The following JMJD1C variants were observed in gnomAD, a reference collection of about 807,000 sequenced individuals.
JMJD1C encodes jumonji domain-containing protein 1C.
Under a neutral mutation model 245.3 loss-of-function variants are expected in JMJD1C, and 31 were observed. That is an observed-to-expected ratio of 0.13 (90% confidence interval 0.09 to 0.17). The LOEUF (loss-of-function observed/expected upper bound fraction) is 0.17. JMJD1C is among the 10% of genes least tolerant of loss of function. The pLI is 1.00. For synonymous variants in JMJD1C, 1,057 were observed against 1,017.4 expected (o/e 1.04, Z -0.74); for missense variants, 2,691 against 3,000.2 (o/e 0.90, Z 2.41).
chr10:63,343,162 G>C (rs1943521975), intron 2 of JMJD1C, among the ~76,000 whole-genome samples: 1 of 152,068 alleles, frequency 6.6e-6, no homozygotes, highest in Non-Finnish European at 1.5e-5. Context: ...AGGAATTAAA[G>C]ACCAGCCTGG....
chr10:63,316,392 G>A (rs1940065397), intron 2 of JMJD1C, among the ~76,000 whole-genome samples: 1 of 152,078 alleles, frequency 6.6e-6, no homozygotes, highest in Non-Finnish European at 1.5e-5. Context: ...CTTCTTACGT[G>A]TTTTTTGGTT....
At chr10:63,211,302 T>TA (rs1847291233) in intron 8 of JMJD1C, among the ~76,000 whole-genome samples, 1 of 151,864 alleles carries the variant, frequency 6.6e-6, no homozygotes, top group Admixed American at 6.6e-5. Flanking sequence ...TCGTTTCTAC[T>TA]AAAAATACAA....
At chr10:63,474,334 T>C (rs1428145766) in intron 1 of JMJD1C, among the ~76,000 whole-genome samples, 1 of 152,164 alleles carries the variant, frequency 6.6e-6, no homozygotes, top group African/African-American at 2.4e-5. Context: ...GTAAGAGTGC[T>C]TATAAAGCGG....
rs1564870931 is a variant in JMJD1C at position 63,392,909 on chromosome 10, CGT to C, written c.169-12429_169-12428del. The stretch of plus-strand genomic sequence containing the variant: ...ACACACACACACACACACACACACA[CGT>C]GAGCAAAGGACATAAACAGACATTT... On this transcript the variant is annotated intron_variant, in intron 1 of 25. Transcript: ENST00000399262. Among the ~76,000 whole-genome samples the C allele has an allele frequency of 3.0e-4, 43 of 145,020 alleles. No individual in the cohort carries two copies. The South Asian group carries it at 5.5e-3, about 19-fold the overall frequency.
intron 2 of JMJD1C, among the ~76,000 whole-genome samples, chr10:63,334,413 T>C (rs969339126): frequency 3.3e-5 from 5 of 152,192 alleles, no homozygotes; most frequent in African/African-American, 9.6e-5. Flanking sequence ...AGGAATACAC[T>C]ACAGAGATTT....
At position 63,215,535 on chromosome 10, in the gene JMJD1C, C is replaced by G; in HGVS notation, c.822+18G>C. ...GGAAAAATATTTTACAGAAATTCAT[C>G]CCTAATAACATACATACGTGAACAG... is the stretch of plus-strand genomic sequence containing the variant. On this transcript the variant is annotated intron_variant, in intron 6 of 25. Coordinates refer to ENST00000399262, the MANE Select transcript of JMJD1C (RefSeq NM_032776.3). 1 of 1,607,556 alleles carries G rather than the reference C, an allele frequency of 6.2e-7. No homozygotes were observed. Among genetic ancestry groups the G allele is most frequent in the Non-Finnish European group, 8.5e-7 (1 of 1,175,058 alleles).
At position 63,440,365 on chromosome 10, in the gene JMJD1C, T is replaced by TATATAG. The variant is rs749850334; in HGVS notation, c.168+25129_168+25130insCTATAT. On this transcript the variant is annotated intron_variant, in intron 1 of 25. Transcript: ENST00000399262. ...GAAAAAAAAAAAAAATATATATATA[T>TATATAG]AGAGAGAGAGAGAGAGAGAGAGAGC... Among the ~76,000 whole-genome samples, 401 of 138,182 alleles carry TATATAG rather than the reference T, an allele frequency of 2.9e-3. 1 individual carries two copies. Among genetic ancestry groups the TATATAG allele is most frequent in the East Asian group, 4.0e-3 (20 of 4,954 alleles). 90.7% of individuals were successfully genotyped at this position (138,182 alleles called of 152,430 possible).
At chr10:63,503,604 G>A (rs1240956107) in intron 1 of JMJD1C, among the ~76,000 whole-genome samples, 3 of 151,958 alleles carry the variant, frequency 2.0e-5, no homozygotes, top group Admixed American at 6.6e-5. Context: ...ACTCACAACC[G>A]ACCAGCTGCT....
chr10:63,336,128 A>T (rs183348660), intron 2 of JMJD1C, among the ~76,000 whole-genome samples: 41 of 152,156 alleles, frequency 2.7e-4, no homozygotes, highest in African/African-American at 9.6e-4. Flanking sequence ...CTCAAAAAAA[A>T]TAAGAAAAAA....
chr10:63,333,061 A>G (rs2134176108), intron 2 of JMJD1C, among the ~76,000 whole-genome samples: 1 of 152,330 alleles, frequency 6.6e-6, no homozygotes, highest in Non-Finnish European at 1.5e-5. Context: ...CCTAAAAGAA[A>G]AACACAGTTT....
At chr10:63,428,394 T>C (rs1950562883) in intron 1 of JMJD1C, among the ~76,000 whole-genome samples, 1 of 152,208 alleles carries the variant, frequency 6.6e-6, no homozygotes, top group Non-Finnish European at 1.5e-5. Context: ...TCACAAAGAT[T>C]ACAAAAGACT....
chr10:63,272,839 T>C (rs1856459094), intron 2 of JMJD1C, among the ~76,000 whole-genome samples: 1 of 152,220 alleles, frequency 6.6e-6, no homozygotes, highest in African/African-American at 2.4e-5. Context: ...AACTCAAGTT[T>C]GTCTACACTA....
In JMJD1C at chr10:63,209,177, C is replaced by T. The variant is rs1847020735; in HGVS notation, c.2753G>A (p.Gly918Glu). The change falls in exon 9 of 26, where the codon GGA becomes GAA. Residue 918 changes from glycine to glutamate, a missense_variant. Around this residue, in one of 9 missense-constraint regions of JMJD1C, gnomAD observed 1,562 missense variants for 1,490.7 expected, o/e 1.05. Coordinates refer to ENST00000399262, the MANE Select transcript of JMJD1C (RefSeq NM_032776.3). ...TCTGACAGGAATGTGACTAAGTAAT[C>T]CAATACCATCTGCTGAGGTCACAGG... ...PTPVTSADGI[G>E]LLSHIPVRPS... is the part of the protein sequence containing the mutation. 5 of 1,613,734 alleles carry T rather than the reference C, an allele frequency of 3.1e-6. No homozygotes were observed. The highest frequency in any genetic ancestry group is 4.2e-6 in the Non-Finnish European group (5 of 1,179,870).
intron 3 of JMJD1C, among the ~76,000 whole-genome samples, chr10:63,245,262 C>G (rs1356294734): frequency 1.3e-5 from 2 of 151,212 alleles, no homozygotes; most frequent in Non-Finnish European, 2.9e-5. Context: ...TTTTCTGAGC[C>G]AAATATTTCA....
At chr10:63,302,288 A>G (rs539479815) in intron 2 of JMJD1C, among the ~76,000 whole-genome samples, 3 of 152,246 alleles carry the variant, frequency 2.0e-5, no homozygotes, top group Non-Finnish European at 2.9e-5. Context: ...AGACTGGACA[A>G]TAAGTTACGA....
chr10:63,395,612 C>T (rs1231904784), intron 1 of JMJD1C, among the ~76,000 whole-genome samples: 2 of 152,144 alleles, frequency 1.3e-5, no homozygotes, highest in African/African-American at 2.4e-5. Flanking sequence ...TAGATATTCA[C>T]CCATGTGAAA....
intron 2 of JMJD1C, among the ~76,000 whole-genome samples, chr10:63,291,862 C>T (rs1054409543): frequency 7.9e-5 from 12 of 152,074 alleles, no homozygotes; most frequent in African/African-American, 2.9e-4. Context: ...TCTGTCTCTT[C>T]ATTTCTTTGG....
chr10:63,470,653 C>T (rs1475512799), upstream of JMJD1C, among the ~76,000 whole-genome samples: 4 of 152,120 alleles, frequency 2.6e-5, no homozygotes, highest in Non-Finnish European at 1.5e-5. Flanking sequence ...AAAGAACAGT[C>T]TCAAATAACA....
chr10:63,222,376 T>C lies in JMJD1C; in HGVS notation c.448-2393A>G, dbSNP rs1218574822. Reference sequence around the variant, plus strand: ...CAAATCATATGTTTTTCAGTACAGCTGGATGTCATCCTACAAGATGTGGTA... The same window carrying C: ...CAAATCATATGTTTTTCAGTACAGCCGGATGTCATCCTACAAGATGTGGTA... On this transcript the variant is annotated intron_variant, in intron 3 of 25. Coordinates refer to ENST00000399262, the MANE Select transcript of JMJD1C (RefSeq NM_032776.3). 6.0e-6 allele frequency: 6 copies of C among 1,001,466 alleles called. No homozygotes were observed. The East Asian group carries it at 1.2e-4, about 20-fold the overall frequency. The allele number at this position is 1,001,466 out of a possible 1,614,324, so 62.0% of individuals were successfully genotyped here. A position where few individuals can be genotyped will look rare whatever the true frequency, so the allele number is the denominator to read the frequency against.
Sources: allele counts gnomAD v4.1 joint callset (sites outside exome capture counted in the v4.1 genomes callset), GRCh38; gene constraint gnomAD v4.1.1; regional missense constraint gnomAD v4.1.1; transcripts MANE v1.5; gene names NCBI Gene and HGNC (gene_info 2026-07-23, HGNC 2026-07-21).